ACTR3: variants seen among roughly 807,000 people sequenced by gnomAD.
ACTR3 encodes actin related protein 3.
Under a neutral mutation model 56.8 loss-of-function variants are expected in ACTR3, and 12 were observed. That is an observed-to-expected ratio of 0.21 (90% CI 0.14 to 0.34). The LOEUF (loss-of-function observed/expected upper bound fraction) is 0.34. Ranked by LOEUF, ACTR3 falls within the 10% of genes least tolerant of loss-of-function variation. The pLI is 1.00. For missense variants in ACTR3, 282 were observed against 512.5 expected, an observed-to-expected ratio of 0.55 and a Z score of 4.34; for synonymous variants, 162 against 167.4, an observed-to-expected ratio of 0.97 and a Z score of 0.25.
intron 8 of ACTR3, among the ~76,000 whole-genome samples, chr2:113,945,219 TAC>T (rs1481996119): frequency 6.6e-6 from 1 of 152,170 alleles, no homozygotes; most frequent in Non-Finnish European, 1.5e-5. Context: ...AGAGGATGTA[TAC>T]ACACAATTTT....
intron 1 of ACTR3, among the ~76,000 whole-genome samples, chr2:113,891,918 T>C (rs972617261): frequency 6.6e-6 from 1 of 152,206 alleles, no homozygotes; most frequent in East Asian, 1.9e-4. Flanking sequence ...CTTAGTCTAA[T>C]TGGTGAGTAT....
At chr2:113,917,169 CT>C (rs916495802) in intron 3 of ACTR3, among the ~76,000 whole-genome samples, 161 bp downstream of exon 3, 27 of 149,308 alleles carry the variant, frequency 1.8e-4, no homozygotes, top group East Asian at 5.9e-4. Flanking sequence ...GTTGCTTTAA[CT>C]TTTTTTTTTC....
At chr2:113,956,897 C>CT (rs1553498838) in intron 11 of ACTR3, among the ~76,000 whole-genome samples, 2 of 152,156 alleles carry the variant, frequency 1.3e-5, no homozygotes, top group Non-Finnish European at 2.9e-5. Context: ...ATGGAACAGT[C>CT]TATCTTTTCC....
chr2:113,903,051 A>T (rs1679130810), intron 1 of ACTR3, among the ~76,000 whole-genome samples: 1 of 152,220 alleles, frequency 6.6e-6, no homozygotes, highest in Non-Finnish European at 1.5e-5. Context: ...ACTGTATGTT[A>T]TTAACTGTGG....
At chr2:113,935,957 G>T (rs1679816912) in intron 6 of ACTR3, among the ~76,000 whole-genome samples, 1 of 152,118 alleles carries the variant, frequency 6.6e-6, no homozygotes, top group East Asian at 1.9e-4. Context: ...CAGAATAGAA[G>T]TTATCAATAT....
At chr2:113,897,228 T>G (rs1430571623) in intron 1 of ACTR3, among the ~76,000 whole-genome samples, 1 of 152,228 alleles carries the variant, frequency 6.6e-6, no homozygotes, top group Non-Finnish European at 1.5e-5. Context: ...GTTTTAAATT[T>G]AGTTCTTTGA....
At chr2:113,951,940 A>G in intron 10 of ACTR3, 95 bp downstream of exon 10, 1 of 1,478,688 alleles carries the variant, frequency 6.8e-7, no homozygotes, top group South Asian at 1.2e-5. Context: ...TTAGAAAAAT[A>G]AGAGGAACCT....
At chr2:113,924,233 C>G (rs13031792) in intron 3 of ACTR3, among the ~76,000 whole-genome samples, 11,118 of 151,544 alleles carry the variant, frequency 0.073, 454 homozygotes, top group African/African-American at 0.1. Flanking sequence ...CCACACCTGG[C>G]TAATTAAAAA....
chr2:113,936,068 A>G (rs1199236335), intron 6 of ACTR3, among the ~76,000 whole-genome samples: 1 of 152,134 alleles, frequency 6.6e-6, no homozygotes, highest in Non-Finnish European at 1.5e-5. Context: ...CAAGGTGGGC[A>G]GACTGCTTGA....
At chr2:113,901,808 T>G (rs1679105095) in intron 1 of ACTR3, among the ~76,000 whole-genome samples, 1 of 152,176 alleles carries the variant, frequency 6.6e-6, no homozygotes, top group Admixed American at 6.5e-5. Context: ...ATTTTCAGAA[T>G]TGTAATGGAA....
chr2:113,905,489 T>G (rs1204575480), intron 1 of ACTR3, among the ~76,000 whole-genome samples: 1 of 151,968 alleles, frequency 6.6e-6, no homozygotes, highest in African/African-American at 2.4e-5. Flanking sequence ...ATTTTTTTTT[T>G]GTGGTATAAT....
chr2:113,909,482 T>C (rs1679261658), intron 1 of ACTR3, among the ~76,000 whole-genome samples: 1 of 152,166 alleles, frequency 6.6e-6, no homozygotes, highest in Non-Finnish European at 1.5e-5. Context: ...AGACGATATT[T>C]ACACACATAA....
Position 113,893,138 on chromosome 2 carries a change from T to TAA in ACTR3, c.44+2816_44+2817insAA, listed in dbSNP as rs1678938465. Among the ~76,000 whole-genome samples, 3 of 152,256 alleles carry TAA rather than the reference T, an allele frequency of 2.0e-5. No homozygotes were observed. In the East Asian group the frequency reaches 5.8e-4, roughly 29 times the overall value. On this transcript the variant is annotated intron_variant, in intron 1 of 11. Coordinates refer to ENST00000263238, the MANE Select transcript of ACTR3 (RefSeq NM_005721.5). ...ACTAAATAACAGAACTCAAACCTGC[T>TAA]ATTAGTGGTGAGAAAAGCATTTTCT...
intron 1 of ACTR3, among the ~76,000 whole-genome samples, chr2:113,895,075 C>G (rs565588667): frequency 1.6e-5 from 2 of 128,638 alleles, no homozygotes; most frequent in African/African-American, 2.8e-5. Flanking sequence ...CCCCCACCCC[C>G]CTGCCGATAT....
intron 3 of ACTR3, among the ~76,000 whole-genome samples, chr2:113,921,658 C>T (rs1679514023): frequency 6.6e-6 from 1 of 152,014 alleles, no homozygotes; most frequent in Non-Finnish European, 1.5e-5. Flanking sequence ...AAGGTGAGAG[C>T]TAGAGGTCTT....
At chr2:113,953,055 A>T (rs1231733655) in intron 10 of ACTR3, 1 of 152,198 alleles carries the variant, frequency 6.6e-6, no homozygotes, top group African/African-American at 2.4e-5. Context: ...AAAAGATTGA[A>T]GTTGATTGTC....
intron 4 of ACTR3, among the ~76,000 whole-genome samples, chr2:113,929,085 C>T (rs1228116189): frequency 6.6e-6 from 1 of 151,114 alleles, no homozygotes; most frequent in Non-Finnish European, 1.5e-5. Flanking sequence ...ATAAATTTGC[C>T]TCACTTTATC....
At chr2:113,933,677 A>ATT (rs1167918809) in intron 5 of ACTR3, among the ~76,000 whole-genome samples, 9,816 of 123,640 alleles carry the variant, frequency 0.079, 934 homozygotes, top group African/African-American at 0.19. Flanking sequence ...GTTCTATACA[A>ATT]TTTTTTTTTT....
At chr2:113,892,071 A>T (rs1435931653) in intron 1 of ACTR3, among the ~76,000 whole-genome samples, 1 of 152,216 alleles carries the variant, frequency 6.6e-6, no homozygotes, top group East Asian at 1.9e-4. Context: ...AAATAGTGTA[A>T]ATAATTGTGG....
Sources: allele counts gnomAD v4.1 joint callset (sites outside exome capture counted in the v4.1 genomes callset), GRCh38; gene constraint gnomAD v4.1.1; transcripts MANE v1.5; gene names NCBI Gene and HGNC (gene_info 2026-07-23, HGNC 2026-07-21).